KCNQ1: variants seen among roughly 807,000 people sequenced by gnomAD.
KCNQ1 encodes the protein potassium voltage-gated channel subfamily Q member 1, also known as potassium voltage-gated channel subfamily KQT member 1.
Under a neutral mutation model 72.4 loss-of-function variants are expected in KCNQ1, and 49 were observed. That is an observed-to-expected ratio of 0.68 (90% CI 0.54 to 0.86). The LOEUF is 0.86. KCNQ1 is among the 40% of genes least tolerant of loss of function. The probability of loss-of-function intolerance (pLI) is 0.00; values close to 1 mark genes in which losing one functional copy is unlikely to be tolerated. For synonymous variants in KCNQ1, 450 were observed against 412.6 expected (o/e 1.09, Z -1.10); for missense variants, 790 against 945.1 (o/e 0.84, Z 2.15).
intron 15 of KCNQ1, among the ~76,000 whole-genome samples, chr11:2,831,822 C>T (rs1035714396): frequency 6.6e-6 from 1 of 151,070 alleles, no homozygotes; most frequent in Non-Finnish European, 1.5e-5. Context: ...CACTCCATGA[C>T]CCCCAGTGAT....
chr11:2,608,538 T>TA lies in KCNQ1; in HGVS notation c.1393+19686dup, dbSNP rs1360387916. ...TTGCCCAGGCTGGAATAGAGTGGTG[T>TA]AATCATAGCTCACTGTAACCTCGAT... On this transcript the variant is annotated intron_variant, in intron 10 of 15. Coordinates refer to ENST00000155840, the MANE Select transcript of KCNQ1 (RefSeq NM_000218.3). The surrounding 1 kb of genome is among the most constrained non-coding windows in gnomAD (Gnocchi z 4.6). 6 of 398,476 alleles carry TA rather than the reference T, an allele frequency of 1.5e-5. No individual in the cohort carries two copies. Among genetic ancestry groups the TA allele is most frequent in the Non-Finnish European group, 4.4e-6 (1 of 226,060 alleles). 24.7% of individuals were successfully genotyped at this position (398,476 alleles called of 1,614,324 possible).
chr11:2,836,788 G>A (rs772125540), intron 15 of KCNQ1, among the ~76,000 whole-genome samples: 13 of 152,358 alleles, frequency 8.5e-5, no homozygotes, highest in Admixed American at 5.2e-4. Context: ...CACGAGCTGC[G>A]TATCAAAGTT....
In KCNQ1 at chr11:2,715,615, G is replaced by A. The variant is rs766904756; in HGVS notation, c.1515-53229G>A. On this transcript the variant is annotated intron_variant, in intron 11 of 15. Transcript: ENST00000155840. The surrounding 1 kb of genome is among the most constrained non-coding windows in gnomAD (Gnocchi z 4.9). ...GGTCCCCTGGGACCCATCCTTCCAA[G>A]CCCCTGCCAGCCTTGGAACCTGTGA... Among the ~76,000 whole-genome samples, 2 of 152,124 alleles carry A rather than the reference G, an allele frequency of 1.3e-5. No homozygotes were observed. Among genetic ancestry groups the A allele is most frequent in the Non-Finnish European group, 2.9e-5 (2 of 68,002 alleles).
chr11:2,776,909 G>A lies in KCNQ1; in HGVS notation c.1686-77G>A, dbSNP rs1219182390. On this transcript the variant is annotated intron_variant, in intron 13 of 15. Transcript: ENST00000155840. ...ACTGTCTTGCCGGGCACGTCAAGCT[G>A]TCTGTCCCACAGACGACAGTGCATC... The A allele has an allele frequency of 7.7e-6, 11 of 1,432,862 alleles. No individual in the cohort carries two copies. In the East Asian group the frequency reaches 1.6e-4, roughly 21 times the overall value. 88.8% of individuals were successfully genotyped at this position (1,432,862 alleles called of 1,614,324 possible). A position where few individuals can be genotyped will look rare whatever the true frequency, so the allele number is the denominator to read the frequency against.
At chr11:2,573,142 G>A (rs895469265) in intron 6 of KCNQ1, among the ~76,000 whole-genome samples, 156 bp downstream of exon 6, 18 of 152,186 alleles carry the variant, frequency 1.2e-4, no homozygotes, top group African/African-American at 4.1e-4. Flanking sequence ...GCTTGGAGCC[G>A]CTGGCACAGG....
Position 2,669,251 on chromosome 11 carries a change from C to T in KCNQ1, c.1514+7170C>T. ...CTGCTGGCTCTGGCTGCTTCTCCTT[C>T]CCCATCACTGGCTTTGCTGTCTTTG... On this transcript the variant is annotated intron_variant, in intron 11 of 15. Coordinates refer to ENST00000155840, the MANE Select transcript of KCNQ1 (RefSeq NM_000218.3). The surrounding 1 kb of genome is among the most constrained non-coding windows in gnomAD (Gnocchi z 5.6). 2.5e-6 allele frequency: 1 copy of T among 398,734 alleles called. No individual in the cohort carries two copies. Among genetic ancestry groups the T allele is most frequent in the Non-Finnish European group, 4.4e-6 (1 of 226,128 alleles). The allele number at this position is 398,734 out of a possible 1,614,324, so 24.7% of individuals were successfully genotyped here.
chr11:2,632,182 CAAAAAAAA>C, intron 10 of KCNQ1: 1 of 310,382 alleles, frequency 3.2e-6, no homozygotes, highest in Non-Finnish European at 5.3e-6. Flanking sequence ...GACTCTGCCT[CAAAAAAAA>C]AAAAAAAAAA....
intron 2 of KCNQ1, among the ~76,000 whole-genome samples, chr11:2,556,934 T>C (rs1848081411): frequency 6.6e-6 from 1 of 152,188 alleles, no homozygotes; most frequent in Non-Finnish European, 1.5e-5. Context: ...AAATAGCAAA[T>C]ATAAGGACAG....
rs904721196 is a variant in KCNQ1 at position 2,516,736 on chromosome 11, C to T, written c.387-11192C>T. ...AGTTTTATTAGGACACAGCCATGCC[C>T]GGCCGAATATTGCCACAGAGGCCAC... On this transcript the variant is annotated intron_variant, in intron 1 of 15. Transcript: ENST00000155840. The surrounding 1 kb of genome is among the most constrained non-coding windows in gnomAD (Gnocchi z 7.0). Among the ~76,000 whole-genome samples, 3 of 152,268 alleles carry T rather than the reference C, an allele frequency of 2.0e-5. No homozygotes were observed. The highest frequency in any genetic ancestry group is 3.4e-3 in the Middle Eastern group (1 of 294).
chr11:2,812,127 C>A (rs550911783), intron 15 of KCNQ1, among the ~76,000 whole-genome samples: 1 of 152,308 alleles, frequency 6.6e-6, no homozygotes, highest in Non-Finnish European at 1.5e-5. Context: ...ACCCCCAGAC[C>A]CCAGCTTTGG....
chr11:2,513,796 A>G (rs991158648), intron 1 of KCNQ1, among the ~76,000 whole-genome samples: 1 of 152,110 alleles, frequency 6.6e-6, no homozygotes, highest in Non-Finnish European at 1.5e-5. Context: ...CTGGGCCTCC[A>G]CCTCTGAGAA....
chr11:2,807,159 CTT>C (rs1233573623), intron 15 of KCNQ1, among the ~76,000 whole-genome samples: 7 of 152,230 alleles, frequency 4.6e-5, no homozygotes, highest in Non-Finnish European at 1.0e-4. Flanking sequence ...TAATTATTCT[CTT>C]GAGGAAAGAA....
At chr11:2,584,590 T>TG (rs1194225889) in intron 7 of KCNQ1, among the ~76,000 whole-genome samples, 1 of 151,880 alleles carries the variant, frequency 6.6e-6, no homozygotes, top group Non-Finnish European at 1.5e-5. Context: ...TGTGTGTTTG[T>TG]GGGTTAGTGT....
At chr11:2,520,412 G>C (rs1044943330) in intron 1 of KCNQ1, among the ~76,000 whole-genome samples, 10 of 152,208 alleles carry the variant, frequency 6.6e-5, no homozygotes, top group African/African-American at 1.4e-4. Context: ...CCTGGCCCAG[G>C]CTCCATCCAT....
At chr11:2,666,726 A>G (rs1394516703) in intron 11 of KCNQ1, 1 of 398,656 alleles carries the variant, frequency 2.5e-6, no homozygotes, top group African/African-American at 2.1e-5. Context: ...ACCTACTCCC[A>G]CAGACCCCAG....
chr11:2,530,446 G>T (rs1847600822), intron 2 of KCNQ1, among the ~76,000 whole-genome samples: 1 of 152,236 alleles, frequency 6.6e-6, no homozygotes, highest in Non-Finnish European at 1.5e-5. Flanking sequence ...GATGCCAGTG[G>T]TTCCCAGGCT....
chr11:2,667,106 G>A (rs906875836), intron 11 of KCNQ1: 17 of 398,520 alleles, frequency 4.3e-5, no homozygotes, highest in African/African-American at 2.7e-4. Flanking sequence ...AATTAAAACC[G>A]AGGCGTAATG....
Position 2,583,556 on chromosome 11 carries a change from C to T in KCNQ1, c.1032+11C>T, listed in dbSNP as rs201144841. 2.7e-4 allele frequency: 428 copies of T among 1,589,418 alleles called. No individual in the cohort carries two copies. The African/African-American group carries it at 4.5e-3, about 17-fold the overall frequency. ...TTTGCGCTCCCAGCGGTAGGTGCCC[C>T]GTGGGTGCGTTTTCCCTGGCTCCTT... is the stretch of plus-strand genomic sequence containing the variant. On this transcript the variant is annotated intron_variant, in intron 7 of 15. Transcript: ENST00000155840.
intron 10 of KCNQ1, chr11:2,648,320 G>T: frequency 2.5e-6 from 1 of 398,444 alleles, no homozygotes; most frequent in South Asian, 1.3e-4. Context: ...TTTTAGGTTT[G>T]ATTTGTTCTT....
Sources: allele counts gnomAD v4.1 joint callset (sites outside exome capture counted in the v4.1 genomes callset), GRCh38; gene constraint gnomAD v4.1.1; non-coding constraint Gnocchi (gnomAD v3.1); transcripts MANE v1.5; gene names NCBI Gene and HGNC (gene_info 2026-07-23, HGNC 2026-07-21).